The following TRDN variants were observed in gnomAD, a reference collection of about 807,000 sequenced individuals.
TRDN encodes the protein triadin, also known as triadin in skeletal muscle.
In TRDN, 161 loss-of-function variants were observed where a neutral mutation model predicts 149.7. The ratio of observed to expected loss-of-function variants is 1.08; its 90% CI spans 0.95 to 1.23. The LOEUF is 1.23. Among genes scored for constraint, TRDN ranks in the 50% most tolerant of loss-of-function variants. The pLI is 0.00. For missense variants in TRDN, 896 were observed against 823.5 expected, an observed-to-expected ratio of 1.09 and a Z score of -1.08; for synonymous variants, 294 against 250.5, an observed-to-expected ratio of 1.17 and a Z score of -1.64.
At chr6:123,327,874 T>C (rs973416140) in intron 23 of TRDN, among the ~76,000 whole-genome samples, 1 of 152,200 alleles carries the variant, frequency 6.6e-6, no homozygotes, top group Non-Finnish European at 1.5e-5. Flanking sequence ...TAGTGTGTTT[T>C]ATATTTAATA....
At chr6:123,509,779 A>G (rs1037424865) in intron 7 of TRDN, 2 of 152,208 alleles carry the variant, frequency 1.3e-5, no homozygotes, top group Admixed American at 6.5e-5. Context: ...TTTACAAAGC[A>G]ATAAGTAACT....
At chr6:123,620,920 C>T (rs560070218) in intron 1 of TRDN, among the ~76,000 whole-genome samples, 20 of 152,100 alleles carry the variant, frequency 1.3e-4, no homozygotes, top group Non-Finnish European at 2.6e-4. Context: ...GGAGCCTCAA[C>T]AAGCAAAAAC....
At chr6:123,398,341 T>C (rs963658230) in intron 12 of TRDN, among the ~76,000 whole-genome samples, 28 of 152,184 alleles carry the variant, frequency 1.8e-4, no homozygotes, top group Admixed American at 4.6e-4. Flanking sequence ...AAACTAAATA[T>C]AGAAAAGTTG....
chr6:123,364,609 C>A (rs1296768426), intron 20 of TRDN, among the ~76,000 whole-genome samples: 1 of 152,190 alleles, frequency 6.6e-6, no homozygotes, highest in Non-Finnish European at 1.5e-5. Flanking sequence ...GATCGTGCCA[C>A]TGCACTCCAG....
In TRDN at chr6:123,412,794, T is replaced by G. The variant is rs114243708; in HGVS notation, c.1052-19117A>C. Among the ~76,000 whole-genome samples, 732 of 152,186 alleles carry G rather than the reference T, an allele frequency of 4.8e-3. 4 individuals are homozygous for G. The highest frequency in any genetic ancestry group is 0.017 in the African/African-American group (700 of 41,546). The stretch of plus-strand genomic sequence containing the variant: ...AAAACAATATCAATTTTTAAAAAAA[T>G]TCTAAATAATAATGGTAAATCCTAA... On this transcript the variant is annotated intron_variant, in intron 12 of 40. Coordinates refer to ENST00000334268, the MANE Select transcript of TRDN (RefSeq NM_006073.4).
At chr6:123,222,205 G>A (rs759234118) in intron 39 of TRDN, among the ~76,000 whole-genome samples, 5 of 151,642 alleles carry the variant, frequency 3.3e-5, no homozygotes, top group Admixed American at 6.6e-5. Flanking sequence ...GTGTGTGTGT[G>A]TGTTTGTGTG....
intron 4 of TRDN, among the ~76,000 whole-genome samples, chr6:123,540,065 T>G (rs1364553645): frequency 6.6e-6 from 1 of 152,224 alleles, no homozygotes; most frequent in Non-Finnish European, 1.5e-5. Context: ...CCAGTATTCC[T>G]GATAATATTC....
chr6:123,382,872 T>C (rs973305677), intron 14 of TRDN, among the ~76,000 whole-genome samples: 10 of 152,202 alleles, frequency 6.6e-5, no homozygotes, highest in African/African-American at 1.9e-4. Context: ...CAAGAGGTTT[T>C]TAAGCTCATT....
chr6:123,346,103 C>T (rs1372369395), intron 21 of TRDN, among the ~76,000 whole-genome samples: 1 of 152,024 alleles, frequency 6.6e-6, no homozygotes, highest in Non-Finnish European at 1.5e-5. Flanking sequence ...TTGCCGTGTT[C>T]CTGACCTCAG....
chr6:123,440,711 T>C (rs986031025), intron 10 of TRDN, among the ~76,000 whole-genome samples: 12 of 152,184 alleles, frequency 7.9e-5, no homozygotes, highest in Admixed American at 7.2e-4. Flanking sequence ...AAATATTTCA[T>C]TAAAAAGCTT....
intron 9 of TRDN, among the ~76,000 whole-genome samples, chr6:123,481,876 T>A (rs1457338071): frequency 1.3e-5 from 2 of 152,328 alleles, no homozygotes; most frequent in South Asian, 2.1e-4. Context: ...GGATAATTTT[T>A]AAAAGCTATC....
chr6:123,266,645 TATA>T (rs1777003024), intron 32 of TRDN, among the ~76,000 whole-genome samples: 1 of 62,064 alleles, frequency 1.6e-5, no homozygotes, highest in Non-Finnish European at 2.7e-5. Context: ...TGTATTATAT[TATA>T]ATAATATGTA....
intron 23 of TRDN, among the ~76,000 whole-genome samples, chr6:123,324,146 A>C (rs146737597): frequency 2.2e-4 from 33 of 152,302 alleles, no homozygotes; most frequent in Non-Finnish European, 4.4e-4. Flanking sequence ...AGGGGAAGTC[A>C]CTAGACTCTT....
chr6:123,572,029 A>T (rs1782606398), intron 1 of TRDN, among the ~76,000 whole-genome samples: 1 of 152,154 alleles, frequency 6.6e-6, no homozygotes, highest in African/African-American at 2.4e-5. Context: ...TATAGCTTTG[A>T]GAATACATGC....
At chr6:123,359,665 G>A (rs1297059708) in intron 20 of TRDN, among the ~76,000 whole-genome samples, 1 of 152,026 alleles carries the variant, frequency 6.6e-6, no homozygotes, top group Non-Finnish European at 1.5e-5. Flanking sequence ...TTTAGGTTAA[G>A]AAAGATTGAA....
chr6:123,346,898 A>G (rs992829393), intron 21 of TRDN, among the ~76,000 whole-genome samples: 1 of 152,022 alleles, frequency 6.6e-6, no homozygotes, highest in African/African-American at 2.4e-5. Context: ...AGAAAATGAA[A>G]GAAGACTTCA....
chr6:123,618,309 A>G (rs114066306), intron 1 of TRDN, among the ~76,000 whole-genome samples: 8,235 of 152,126 alleles, frequency 0.054, 761 homozygotes, highest in African/African-American at 0.19. Context: ...ATCTCCTTGT[A>G]CTTTCTACCT....
chr6:123,535,152 G>A (rs1780463428), intron 4 of TRDN, among the ~76,000 whole-genome samples: 1 of 152,052 alleles, frequency 6.6e-6, no homozygotes, highest in South Asian at 2.1e-4. Context: ...TTTTGAGAAG[G>A]GAAGAAGGGA....
rs558014177 is a variant in TRDN, at chr6:123,248,965, T to G, written c.1975+3447A>C. Among the ~76,000 whole-genome samples the G allele has an allele frequency of 4.7e-4, 71 of 152,124 alleles. No individual in the cohort carries two copies. The South Asian group carries it at 0.013, about 28-fold the overall frequency. ...CTGTTGAATATAGATGCAAAAATCC[T>G]CAACAAAATACTAGCAAAATGAATC... On this transcript the variant is annotated intron_variant, in intron 38 of 40. Coordinates refer to ENST00000334268, the MANE Select transcript of TRDN (RefSeq NM_006073.4).
Sources: gnomAD v4.1 joint callset for allele counts (sites outside exome capture counted in the v4.1 genomes callset) on GRCh38, gnomAD v4.1.1 for gene constraint, MANE v1.5 for transcripts, NCBI Gene and HGNC (gene_info 2026-07-23, HGNC 2026-07-21) for gene names.